CRACD: variants seen among roughly 807,000 people sequenced by gnomAD.
CRACD encodes capping protein inhibiting regulator of actin dynamics.
In CRACD, 56 loss-of-function variants were observed where a neutral mutation model predicts 106.8. The ratio of observed to expected loss-of-function variants is 0.52; its 90% CI spans 0.42 to 0.66. CRACD has a LOEUF of 0.66. CRACD is among the 30% of genes least tolerant of loss of function. The pLI, the probability that CRACD is intolerant of heterozygous loss-of-function variation, is 0.00. For synonymous variants in CRACD, 754 were observed against 670.8 expected (o/e 1.12, Z -1.92); for missense variants, 1,730 against 1,623.2 (o/e 1.07, Z -1.13).
chr4:56,323,663 G>A (rs1327372665), intron 9 of CRACD, 96 bp downstream of exon 9: 28 of 1,218,136 alleles, frequency 2.3e-5, no homozygotes, highest in Non-Finnish European at 2.2e-6. Flanking sequence ...CTGGGCTGGT[G>A]GAAAGTACTT....
At chr4:56,140,379 C>T (rs1298892947) in intron 1 of CRACD, among the ~76,000 whole-genome samples, 2 of 152,154 alleles carry the variant, frequency 1.3e-5, no homozygotes, top group Admixed American at 6.6e-5. Flanking sequence ...AGCTCTTTTT[C>T]GTGTCCCATG....
chr4:56,127,312 A>C (rs1734690053), intron 1 of CRACD, among the ~76,000 whole-genome samples: 1 of 152,156 alleles, frequency 6.6e-6, no homozygotes, highest in African/African-American at 2.4e-5. Context: ...AGCAGCACAA[A>C]CGGACTAAGA....
intron 1 of CRACD, among the ~76,000 whole-genome samples, chr4:56,144,643 A>G (rs1274999529): frequency 1.3e-5 from 2 of 149,008 alleles, no homozygotes; most frequent in African/African-American, 4.9e-5. Flanking sequence ...CATTTTGTGT[A>G]TATTTTCTTT....
rs112233258 is a variant in CRACD, at chr4:56,180,604, A to G, written c.-189+1174A>G. ...CTTACTTTTTGTAAGTTGTGGGAAGAGATGGAAGTTAAATATGAGATCAAA... is the reference window on the plus strand; with the variant it reads ...CTTACTTTTTGTAAGTTGTGGGAAGGGATGGAAGTTAAATATGAGATCAAA... On this transcript the variant is annotated intron_variant, in intron 2 of 10. Coordinates refer to ENST00000682029, the MANE Select transcript of CRACD (RefSeq NM_001393381.1). 5.3e-3 allele frequency among the ~76,000 whole-genome samples: 802 copies of G among 152,324 alleles called. 8 individuals carry two copies. The highest frequency in any genetic ancestry group is 0.018 in the African/African-American group (759 of 41,576).
intron 3 of CRACD, among the ~76,000 whole-genome samples, chr4:56,282,264 A>G (rs879402342): frequency 6.6e-5 from 10 of 152,174 alleles, no homozygotes; most frequent in African/African-American, 1.4e-4. Context: ...CCCAATATCT[A>G]TGGTCCCAAA....
chr4:56,283,592 G>T (rs1743158965), intron 3 of CRACD, among the ~76,000 whole-genome samples: 1 of 152,088 alleles, frequency 6.6e-6, no homozygotes, highest in Non-Finnish European at 1.5e-5. Flanking sequence ...CTTTGACTTG[G>T]CAGGTGAGTC....
At chr4:56,319,274 A>G (rs180759686) in intron 8 of CRACD, among the ~76,000 whole-genome samples, 26 of 152,148 alleles carry the variant, frequency 1.7e-4, no homozygotes, top group African/African-American at 5.8e-4. Flanking sequence ...TATATGGGCT[A>G]TGGGGTCACT....
intron 2 of CRACD, among the ~76,000 whole-genome samples, chr4:56,269,887 A>C (rs1192345376): frequency 1.3e-5 from 2 of 152,204 alleles, no homozygotes; most frequent in African/African-American, 4.8e-5. Context: ...TCAACATGAG[A>C]TGTAGAGGGA....
chr4:56,122,662 A>G (rs1219408123), intron 1 of CRACD, among the ~76,000 whole-genome samples: 1 of 152,192 alleles, frequency 6.6e-6, no homozygotes, highest in Non-Finnish European at 1.5e-5. Context: ...CCAGTCCTCA[A>G]TAACATCAGC....
intron 2 of CRACD, among the ~76,000 whole-genome samples, chr4:56,240,888 C>A (rs973107845): frequency 4.6e-5 from 7 of 152,176 alleles, no homozygotes; most frequent in African/African-American, 1.7e-4. Context: ...CTGTGCTGCA[C>A]CCCCAAGAGT....
chr4:56,075,698 C>G (rs903921825), intron 1 of CRACD, among the ~76,000 whole-genome samples: 1 of 152,188 alleles, frequency 6.6e-6, no homozygotes, highest in African/African-American at 2.4e-5. Flanking sequence ...CTATTCTGGA[C>G]ATTTTATATA....
At position 56,278,782 on chromosome 4, in the gene CRACD, A is replaced by C. The variant is rs1742823327; in HGVS notation, c.-17+6290A>C. 3.3e-5 allele frequency among the ~76,000 whole-genome samples: 5 copies of C among 152,204 alleles called. No individual in the cohort carries two copies. In the South Asian group the frequency reaches 1.0e-3, roughly 31 times the overall value. ...ATAAAAAACAAAACTCCCACAACTC[A>C]ATAATAAAATGACCCCCTCCCCAAA... is the stretch of plus-strand genomic sequence containing the variant. On this transcript the variant is annotated intron_variant, in intron 3 of 10. Transcript: ENST00000682029.
chr4:56,062,931 A>T (rs957288936), intron 1 of CRACD, among the ~76,000 whole-genome samples: 2 of 152,196 alleles, frequency 1.3e-5, no homozygotes, highest in Non-Finnish European at 2.9e-5. Flanking sequence ...TCCCTGCTGT[A>T]GATTACCTCA....
In CRACD at chr4:56,151,365, T is replaced by G. The variant is rs73152922; in HGVS notation, c.-335-27919T>G. Among the ~76,000 whole-genome samples the G allele has an allele frequency of 3.3e-3, 498 of 152,284 alleles. 2 individuals are homozygous for G. Among genetic ancestry groups the G allele is most frequent in the African/African-American group, 0.011 (466 of 41,550 alleles). On this transcript the variant is annotated intron_variant, in intron 1 of 10. Transcript: ENST00000682029. ...GTCAGACCTCTAATGTTTACCAGTC[T>G]GATGCACAGGCTTATTATTATAACG...
chr4:56,089,027 GT>G (rs1346506394), intron 1 of CRACD, among the ~76,000 whole-genome samples: 3 of 152,238 alleles, frequency 2.0e-5, no homozygotes, highest in East Asian at 1.9e-4. Flanking sequence ...GCCCAGCCTA[GT>G]TTTTCTGTAG....
chr4:56,323,747 G>C (rs901594701), intron 9 of CRACD, among the ~76,000 whole-genome samples, 180 bp downstream of exon 9: 4 of 152,192 alleles, frequency 2.6e-5, no homozygotes, highest in Non-Finnish European at 5.9e-5. Context: ...ACTGGGTTTG[G>C]TTTGTTTATG....
At chr4:56,212,691 CCT>C (rs1738468120) in intron 2 of CRACD, among the ~76,000 whole-genome samples, 1 of 152,086 alleles carries the variant, frequency 6.6e-6, no homozygotes, top group African/African-American at 2.4e-5. Flanking sequence ...ATGATTTTTC[CCT>C]ACCAAAGTAC....
Position 56,090,152 on chromosome 4 carries a change from TAA to T in CRACD, c.-336+40867_-336+40868del, listed in dbSNP as rs11324878. ...AGGTAAACTTTATTTTCCTTTTTTT[TAA>T]AAAAAAAAAAAAACTGGCAGGATCA... On this transcript the variant is annotated intron_variant, in intron 1 of 10. Coordinates refer to ENST00000682029, the MANE Select transcript of CRACD (RefSeq NM_001393381.1). 3.0e-3 allele frequency among the ~76,000 whole-genome samples: 418 copies of T among 140,564 alleles called. 2 individuals carry two copies. Among genetic ancestry groups the T allele is most frequent in the African/African-American group, 0.01 (385 of 37,762 alleles). The allele number at this position is 140,564 out of a possible 152,430, so 92.2% of individuals were successfully genotyped here.
At chr4:56,278,859 T>G (rs1278978533) in intron 3 of CRACD, among the ~76,000 whole-genome samples, 4 of 152,046 alleles carry the variant, frequency 2.6e-5, no homozygotes, top group Non-Finnish European at 4.4e-5. Flanking sequence ...ACAAAAGATA[T>G]AAAAATATCA....
Sources: gnomAD v4.1 joint callset for allele counts (sites outside exome capture counted in the v4.1 genomes callset) on GRCh38, gnomAD v4.1.1 for gene constraint, MANE v1.5 for transcripts, NCBI Gene and HGNC (gene_info 2026-07-23, HGNC 2026-07-21) for gene names.